SCHIP1: variants seen among roughly 807,000 people sequenced by gnomAD.
SCHIP1 encodes the protein schwannomin interacting protein 1, also known as schwannomin-interacting protein 1.
In SCHIP1, 8 loss-of-function variants were observed where a neutral mutation model predicts 29.7. The ratio of observed to expected loss-of-function variants is 0.27; its 90% CI spans 0.16 to 0.49. SCHIP1 has a LOEUF of 0.49. Among genes scored for constraint, SCHIP1 ranks in the 20% least tolerant of loss-of-function variants. The pLI, the probability that SCHIP1 is intolerant of heterozygous loss-of-function variation, is 0.99. For synonymous variants in SCHIP1, 76 were observed against 94.9 expected, an observed-to-expected ratio of 0.80 and a Z score of 1.16; for missense variants, 193 against 294.6, an observed-to-expected ratio of 0.66 and a Z score of 2.52.
At chr3:159,714,680 G>A in the SCHIP1 span, among the ~76,000 whole-genome samples, 163 of 152,334 alleles carry the variant, frequency 1.1e-3, no homozygotes, top group Non-Finnish European at 1.1e-3. Flanking sequence ...ACTGCAAGGC[G>A]GCAGCAAGGC....
chr3:159,779,658 A>G, the SCHIP1 span, among the ~76,000 whole-genome samples: 42 of 151,962 alleles, frequency 2.8e-4, no homozygotes, highest in African/African-American at 9.2e-4. Flanking sequence ...ATGAGACTCC[A>G]TGGACTCCAT....
At chr3:159,388,545 C>A in the SCHIP1 span, among the ~76,000 whole-genome samples, 88 of 152,154 alleles carry the variant, frequency 5.8e-4, no homozygotes, top group African/African-American at 2.1e-3. Flanking sequence ...TCCTACAAAT[C>A]TTTTGTGGAA....
intron 6 of SCHIP1, chr3:159,893,044 A>G (rs1023859762): frequency 1.3e-5 from 2 of 152,246 alleles, no homozygotes; most frequent in African/African-American, 4.8e-5. Flanking sequence ...CACATGGTCT[A>G]CAACAATCCC....
chr3:159,463,640 T>C, the SCHIP1 span, among the ~76,000 whole-genome samples: 4 of 152,034 alleles, frequency 2.6e-5, no homozygotes, highest in Non-Finnish European at 5.9e-5. Flanking sequence ...TAAAATATGT[T>C]CTGTCAGTCT....
the SCHIP1 span, among the ~76,000 whole-genome samples, chr3:159,488,750 C>A: frequency 1.3e-5 from 2 of 152,148 alleles, no homozygotes; most frequent in Non-Finnish European, 2.9e-5. Context: ...GATCAGGAAC[C>A]AACTGTGCAA....
chr3:159,607,069 GC>G, the SCHIP1 span, among the ~76,000 whole-genome samples: 1 of 152,164 alleles, frequency 6.6e-6, no homozygotes, highest in Non-Finnish European at 1.5e-5. Context: ...GGGCTAAACT[GC>G]AAAAGAACAG....
At chr3:159,780,241 C>T in the SCHIP1 span, among the ~76,000 whole-genome samples, 1 of 152,206 alleles carries the variant, frequency 6.6e-6, no homozygotes, top group Admixed American at 6.5e-5. Context: ...GTGTTGACTG[C>T]TGCCAAACCC....
At chr3:159,359,706 T>C in the SCHIP1 span, among the ~76,000 whole-genome samples, 2 of 152,226 alleles carry the variant, frequency 1.3e-5, no homozygotes, top group East Asian at 3.8e-4. Flanking sequence ...AGGAAGCTTA[T>C]GCTTCAAACC....
the SCHIP1 span, among the ~76,000 whole-genome samples, chr3:159,741,379 C>T: frequency 6.6e-6 from 1 of 152,194 alleles, no homozygotes; most frequent in Admixed American, 6.5e-5. Flanking sequence ...CCCGTGTCTC[C>T]ACTGACATGC....
At chr3:159,842,593 C>A (rs1219639991) in intron 1 of SCHIP1, among the ~76,000 whole-genome samples, 1 of 152,088 alleles carries the variant, frequency 6.6e-6, no homozygotes. Flanking sequence ...ATCAGCTCGT[C>A]CCTGCTTCCT....
At chr3:159,750,298 C>CATATATATAT in the SCHIP1 span, among the ~76,000 whole-genome samples, 1 of 125,210 alleles carries the variant, frequency 8.0e-6, no homozygotes, top group African/African-American at 3.6e-5. Context: ...TATATATATA[C>CATATATATAT]ACACACACAC....
At chr3:159,811,976 TTTTG>T in the SCHIP1 span, among the ~76,000 whole-genome samples, 2 of 149,248 alleles carry the variant, frequency 1.3e-5, no homozygotes, top group Non-Finnish European at 1.5e-5. Context: ...TTGTTTTTGT[TTTTG>T]TTTTTTTTTT....
the SCHIP1 span, among the ~76,000 whole-genome samples, chr3:159,554,214 T>C: frequency 3.3e-5 from 5 of 152,180 alleles, no homozygotes; most frequent in Admixed American, 6.5e-5. Flanking sequence ...TCACATCTAC[T>C]GTATCCTGAT....
At chr3:159,500,450 A>G in the SCHIP1 span, among the ~76,000 whole-genome samples, 1 of 152,192 alleles carries the variant, frequency 6.6e-6, no homozygotes, top group Non-Finnish European at 1.5e-5. Context: ...ATGTTGGCTC[A>G]CGCCTGTAAT....
the SCHIP1 span, among the ~76,000 whole-genome samples, chr3:159,446,557 A>G: frequency 7.6e-3 from 1,148 of 151,458 alleles, 14 homozygotes; most frequent in Admixed American, 0.022. Flanking sequence ...CAGCAATACA[A>G]TATTGTTGCA....
the SCHIP1 span, among the ~76,000 whole-genome samples, chr3:159,379,525 T>C: frequency 2.6e-5 from 4 of 152,160 alleles, no homozygotes; most frequent in Non-Finnish European, 4.4e-5. Context: ...GCCCAGCCAA[T>C]AACTAGTTTT....
chr3:159,721,775 G>A, the SCHIP1 span: 1 of 448,552 alleles, frequency 2.2e-6, no homozygotes, highest in South Asian at 1.9e-5. Flanking sequence ...TTCTTGTTCT[G>A]CTGTTCTTCC....
chr3:159,561,686 G>A, the SCHIP1 span, among the ~76,000 whole-genome samples: 1 of 152,060 alleles, frequency 6.6e-6, no homozygotes, highest in African/African-American at 2.4e-5. Context: ...ATTTGTAAAT[G>A]TAGGGCTCTA....
the SCHIP1 span, among the ~76,000 whole-genome samples, chr3:159,672,817 C>T: frequency 6.6e-6 from 1 of 152,180 alleles, no homozygotes; most frequent in Non-Finnish European, 1.5e-5. Context: ...TACTTGTAAG[C>T]TTGTCTTAAA....
Sources: gnomAD v4.1 joint callset for allele counts (sites outside exome capture counted in the v4.1 genomes callset) on GRCh38, gnomAD v4.1.1 for gene constraint, MANE v1.5 for transcripts, NCBI Gene and HGNC (gene_info 2026-07-23, HGNC 2026-07-21) for gene names.